The following CCDC138 variants were observed in gnomAD, a reference collection of about 807,000 sequenced individuals.
CCDC138 encodes the protein coiled-coil domain containing 138, also known as coiled-coil domain-containing protein 138.
In CCDC138, 66 loss-of-function variants were observed where a neutral mutation model predicts 82.3. The ratio of observed to expected loss-of-function variants is 0.80; its 90% confidence interval spans 0.66 to 0.98. The LOEUF (loss-of-function observed/expected upper bound fraction) is 0.98. Ranked by LOEUF, CCDC138 falls within the 50% of genes least tolerant of loss-of-function variation. CCDC138 has a pLI of 0.00. For synonymous variants in CCDC138, 297 were observed against 265.4 expected (o/e 1.12, Z -1.16); for missense variants, 816 against 758.9 (o/e 1.08, Z -0.88).
chr2:108,802,964 A>C (rs552261233), intron 6 of CCDC138, among the ~76,000 whole-genome samples: 1 of 152,318 alleles, frequency 6.6e-6, no homozygotes, highest in East Asian at 1.9e-4. Flanking sequence ...CCAGCCTTGC[A>C]TCCCAGGGAT....
chr2:108,859,899 A>G (rs1489626732), intron 13 of CCDC138, among the ~76,000 whole-genome samples: 3 of 152,104 alleles, frequency 2.0e-5, no homozygotes, highest in African/African-American at 7.2e-5. Flanking sequence ...AGGCAATATA[A>G]CCATTTAAAT....
At chr2:108,864,540 G>C (rs1177034322) in intron 13 of CCDC138, among the ~76,000 whole-genome samples, 1 of 152,026 alleles carries the variant, frequency 6.6e-6, no homozygotes, top group Non-Finnish European at 1.5e-5. Context: ...GCTCACACCT[G>C]TAATCCCAGC....
rs549861095 is a variant in CCDC138, at chr2:108,842,820, A to G, written c.1323+3519A>G. On this transcript the variant is annotated intron_variant, in intron 11 of 14. Coordinates refer to ENST00000295124, the MANE Select transcript of CCDC138 (RefSeq NM_144978.3). Reference sequence around the variant, plus strand: ...CATTTAAAATGAATGCCAGGGCAACATCAAATTATAAGCATTCACTACAAC... The same window carrying G: ...CATTTAAAATGAATGCCAGGGCAACGTCAAATTATAAGCATTCACTACAAC... 3.3e-5 allele frequency among the ~76,000 whole-genome samples: 5 copies of G among 152,358 alleles called. No individual in the cohort carries two copies. In the South Asian group the frequency reaches 8.3e-4, roughly 25 times the overall value.
intron 12 of CCDC138, among the ~76,000 whole-genome samples, chr2:108,852,865 C>T (rs1419101343): frequency 6.6e-6 from 1 of 152,088 alleles, no homozygotes; most frequent in Non-Finnish European, 1.5e-5. Flanking sequence ...ACCTGTGTAA[C>T]AAACCTGCAC....
At chr2:108,813,290 A>G (rs1684222368) in intron 9 of CCDC138, among the ~76,000 whole-genome samples, 1 of 149,754 alleles carries the variant, frequency 6.7e-6, no homozygotes, top group Admixed American at 6.6e-5. Flanking sequence ...TCTCCAATGG[A>G]AAGCCAGGAA....
At chr2:108,860,662 G>A (rs983957673) in intron 13 of CCDC138, among the ~76,000 whole-genome samples, 11 of 151,888 alleles carry the variant, frequency 7.2e-5, no homozygotes, top group African/African-American at 1.2e-4. Context: ...CCACTTGATC[G>A]TGGTGGATTA....
intron 10 of CCDC138, among the ~76,000 whole-genome samples, chr2:108,832,031 C>CT (rs1687771997): frequency 6.6e-6 from 1 of 150,956 alleles, no homozygotes; most frequent in Admixed American, 6.6e-5. Flanking sequence ...CCACGCACAG[C>CT]TTTTTTTCTC....
chr2:108,869,939 C>T (rs1394657311), intron 13 of CCDC138, among the ~76,000 whole-genome samples: 1 of 152,166 alleles, frequency 6.6e-6, no homozygotes, highest in African/African-American at 2.4e-5. Context: ...CAAAATAAAT[C>T]TTCAGAAACT....
At chr2:108,858,298 T>G (rs988049043) in intron 13 of CCDC138, among the ~76,000 whole-genome samples, 2 of 152,162 alleles carry the variant, frequency 1.3e-5, no homozygotes, top group Non-Finnish European at 2.9e-5. Flanking sequence ...GAGCCAAGAT[T>G]GTGCCACTGT....
intron 6 of CCDC138, among the ~76,000 whole-genome samples, chr2:108,800,062 G>A (rs1558979837): frequency 6.6e-6 from 1 of 151,976 alleles, no homozygotes; most frequent in Non-Finnish European, 1.5e-5. Flanking sequence ...TGTATCACCT[G>A]TATCATCTCA....
intron 10 of CCDC138, among the ~76,000 whole-genome samples, chr2:108,819,381 T>G (rs1685286348): frequency 6.6e-6 from 1 of 152,196 alleles, no homozygotes; most frequent in South Asian, 2.1e-4. Flanking sequence ...ATATTTTGGC[T>G]TATCCAAAGT....
intron 2 of CCDC138, chr2:108,884,530 A>C (rs1696376154): frequency 6.6e-6 from 1 of 152,198 alleles, no homozygotes; most frequent in Non-Finnish European, 1.5e-5. Flanking sequence ...AGAATAAGAG[A>C]AGAGATCTTT....
chr2:108,804,998 T>TA lies in CCDC138; in HGVS notation c.852dup (p.Gln285ThrfsTer4), dbSNP rs1334766667. 7.9e-6 allele frequency: 12 copies of TA among 1,526,744 alleles called. No individual in the cohort carries two copies. Among genetic ancestry groups the TA allele is most frequent in the Middle Eastern group, 1.8e-4 (1 of 5,644 alleles). The allele number at this position is 1,526,744 out of a possible 1,614,324, so 94.6% of individuals were successfully genotyped here. A position where few individuals can be genotyped will look rare whatever the true frequency, so the allele number is the denominator to read the frequency against. On this transcript the variant is annotated frameshift_variant, in exon 7 of 15. Transcript: ENST00000295124. LOFTEE classifies it high-confidence loss of function. ...GCATTGAAAGAATTGAATGATACCT[T>TA]AAAAAAACAGGTAAGACCTGTTTTA...
chr2:108,853,371 A>G (rs1019076699), intron 12 of CCDC138, among the ~76,000 whole-genome samples: 23 of 152,208 alleles, frequency 1.5e-4, no homozygotes, highest in Admixed American at 6.5e-5. Context: ...ATAGTACAAT[A>G]TTATATGTCA....
At chr2:108,795,947 TG>T (rs1680793972) in intron 5 of CCDC138, among the ~76,000 whole-genome samples, 1 of 152,230 alleles carries the variant, frequency 6.6e-6, no homozygotes, top group African/African-American at 2.4e-5. Context: ...TAGGCAAGAT[TG>T]CAAGGATGTA....
chr2:108,797,755 T>TA (rs1415436768), intron 5 of CCDC138, among the ~76,000 whole-genome samples: 2 of 152,312 alleles, frequency 1.3e-5, no homozygotes, highest in Non-Finnish European at 2.9e-5. Context: ...CCTGTGAAGT[T>TA]AGAGACCAGG....
chr2:108,876,178 T>C lies in CCDC138; in HGVS notation c.1923T>C (p.Cys641=), dbSNP rs886860289. 1 of 1,613,156 alleles carries C rather than the reference T, an allele frequency of 6.2e-7. No individual in the cohort carries two copies. Among genetic ancestry groups the C allele is most frequent in the Non-Finnish European group, 8.5e-7 (1 of 1,179,254 alleles). The part of the protein sequence containing the change: ...RTTNPEHAFL[C]INLNSTLFNL... ...CAAACCCAGAGCATGCATTTCTCTGTATTAATCTAAATTCAACTCTGTTCA... is the reference window on the plus strand; with the variant it reads ...CAAACCCAGAGCATGCATTTCTCTGCATTAATCTAAATTCAACTCTGTTCA... The change falls in exon 15 of 15, where the codon TGT becomes TGC. Residue 641 remains cysteine, a synonymous_variant. Transcript: ENST00000295124.
intron 13 of CCDC138, among the ~76,000 whole-genome samples, chr2:108,861,626 G>T (rs563606945): frequency 1.3e-5 from 2 of 151,962 alleles, no homozygotes; most frequent in Admixed American, 1.3e-4. Context: ...GACTACAGGT[G>T]CACACCGCCA....
intron 2 of CCDC138, chr2:108,883,260 T>C (rs894511946): frequency 6.6e-6 from 1 of 152,238 alleles, no homozygotes; most frequent in African/African-American, 2.4e-5. Flanking sequence ...TAGCACCCAG[T>C]TGAGATGAGA....
Sources: gnomAD v4.1 joint callset for allele counts (sites outside exome capture counted in the v4.1 genomes callset) on GRCh38, gnomAD v4.1.1 for gene constraint, MANE v1.5 for transcripts, NCBI Gene and HGNC (gene_info 2026-07-23, HGNC 2026-07-21) for gene names.